SV2C: variants seen among roughly 807,000 people sequenced by gnomAD.
SV2C encodes the protein synaptic vesicle glycoprotein 2C, also known as solute carrier family 22 member B3.
SV2C carries 49 observed loss-of-function variants against 79.7 expected under a neutral mutation model. The observed-to-expected ratio is 0.61, with a 90% confidence interval of 0.49 to 0.78. SV2C has a LOEUF of 0.78. Ranked by LOEUF, SV2C falls within the 30% of genes least tolerant of loss-of-function variation. The pLI is 0.00. For missense variants in SV2C, 833 were observed against 912.9 expected, an observed-to-expected ratio of 0.91 and a Z score of 1.13; for synonymous variants, 334 against 333.2, an observed-to-expected ratio of 1.00 and a Z score of -0.03.
the SV2C span, among the ~76,000 whole-genome samples, chr5:76,072,429 A>G: frequency 6.6e-6 from 1 of 152,224 alleles, no homozygotes; most frequent in East Asian, 1.9e-4. Context: ...ATTTATAATG[A>G]AACTGGTAAG....
intron 1 of SV2C, among the ~76,000 whole-genome samples, chr5:76,125,990 G>C (rs983595867): frequency 3.9e-5 from 6 of 152,198 alleles, no homozygotes; most frequent in Admixed American, 3.9e-4. Flanking sequence ...TTGGGAAGCT[G>C]AGGCTGCAGT....
At chr5:75,994,974 T>A in the SV2C span, among the ~76,000 whole-genome samples, 1 of 151,964 alleles carries the variant, frequency 6.6e-6, no homozygotes, top group Non-Finnish European at 1.5e-5. Flanking sequence ...ACTAGTGGAG[T>A]AAGTCCCAGG....
the SV2C span, among the ~76,000 whole-genome samples, chr5:75,855,729 C>T: frequency 9.2e-5 from 14 of 152,098 alleles, no homozygotes; most frequent in Non-Finnish European, 1.6e-4. Context: ...TACAGGCATG[C>T]AATGCATAAT....
rs1232656766 is a variant in SV2C at position 76,326,380 on chromosome 5, G to GGAAA, written c.*839_*842dup. ...TGGTCTTGCCAGACAGCAGATTCAG[G>GGAAA]GAAAGAAAGCTGCTTCTTAAAAACT... On this transcript the variant is annotated 3_prime_UTR_variant, in exon 13 of 13. Transcript: ENST00000502798. The GGAAA allele has an allele frequency of 3.9e-5, 6 of 152,236 alleles. No homozygotes were observed. Among genetic ancestry groups the GGAAA allele is most frequent in the Admixed American group, 6.5e-5 (1 of 15,278 alleles). 9.4% of individuals were successfully genotyped at this position (152,236 alleles called of 1,614,324 possible). A position where few individuals can be genotyped will look rare whatever the true frequency, so the allele number is the denominator to read the frequency against.
chr5:75,951,258 T>A, the SV2C span, among the ~76,000 whole-genome samples: 2 of 152,032 alleles, frequency 1.3e-5, no homozygotes, highest in African/African-American at 2.4e-5. Context: ...TCTGGCCTTA[T>A]GCCTGATGTT....
At chr5:75,886,844 TAAAA>T in the SV2C span, among the ~76,000 whole-genome samples, 1 of 152,064 alleles carries the variant, frequency 6.6e-6, no homozygotes, top group African/African-American at 2.4e-5. Flanking sequence ...TAAGTGGCTT[TAAAA>T]AAATAAGATG....
At chr5:75,902,396 A>G in the SV2C span, among the ~76,000 whole-genome samples, 1 of 152,214 alleles carries the variant, frequency 6.6e-6, no homozygotes, top group African/African-American at 2.4e-5. Flanking sequence ...GTATGGGCCT[A>G]AGAAATGAGT....
At chr5:76,343,733 A>C (rs940555354) in intron 12 of SV2C, among the ~76,000 whole-genome samples, 9 of 152,224 alleles carry the variant, frequency 5.9e-5, no homozygotes, top group African/African-American at 4.8e-5. Flanking sequence ...AGACATGTAC[A>C]ACAAGGTTTG....
chr5:75,936,857 A>G, the SV2C span, among the ~76,000 whole-genome samples: 2 of 152,200 alleles, frequency 1.3e-5, no homozygotes, highest in Non-Finnish European at 2.9e-5. Flanking sequence ...CAGTGTGTCA[A>G]ATGTTCGTTA....
intron 2 of SV2C, among the ~76,000 whole-genome samples, chr5:76,146,911 A>G (rs1467890536): frequency 1.3e-5 from 2 of 152,062 alleles, no homozygotes; most frequent in Non-Finnish European, 1.5e-5. Flanking sequence ...TACAACATGC[A>G]TGAACCTGAA....
At chr5:76,229,074 C>T (rs1349406482) in intron 4 of SV2C, among the ~76,000 whole-genome samples, 1 of 152,236 alleles carries the variant, frequency 6.6e-6, no homozygotes, top group Non-Finnish European at 1.5e-5. Context: ...AAAACGTGTC[C>T]TCCAAATGGC....
the SV2C span, among the ~76,000 whole-genome samples, chr5:75,857,200 G>T: frequency 1.3e-5 from 2 of 151,856 alleles, no homozygotes; most frequent in African/African-American, 2.4e-5. Context: ...ATTGTGATCC[G>T]CCTGCCTCGG....
At chr5:76,200,585 G>T (rs1390288316) in intron 3 of SV2C, among the ~76,000 whole-genome samples, 2 of 152,154 alleles carry the variant, frequency 1.3e-5, no homozygotes, top group African/African-American at 2.4e-5. Flanking sequence ...ATCATTAGCA[G>T]CACTGTCTCT....
At chr5:75,881,764 C>G in the SV2C span, among the ~76,000 whole-genome samples, 3 of 151,432 alleles carry the variant, frequency 2.0e-5, no homozygotes, top group African/African-American at 4.9e-5. Flanking sequence ...TTGACTTCCT[C>G]TTTTCCTAAT....
chr5:76,165,229 C>T (rs754372327), intron 2 of SV2C, among the ~76,000 whole-genome samples: 2 of 152,066 alleles, frequency 1.3e-5, no homozygotes, highest in Admixed American at 1.3e-4. Context: ...CCAGCTTCCC[C>T]CAATGATAAT....
At chr5:76,238,358 C>T (rs948674225) in intron 4 of SV2C, among the ~76,000 whole-genome samples, 2 of 151,746 alleles carry the variant, frequency 1.3e-5, no homozygotes, top group African/African-American at 4.8e-5. Flanking sequence ...TCCAACCTTT[C>T]ATTGTTTCAT....
chr5:76,284,696 C>A (rs1419005620), intron 4 of SV2C, among the ~76,000 whole-genome samples: 1 of 152,154 alleles, frequency 6.6e-6, no homozygotes, highest in Non-Finnish European at 1.5e-5. Context: ...ATATCCCAAC[C>A]CTCCTTCACT....
At chr5:76,112,455 G>A (rs1424093912) in intron 1 of SV2C, among the ~76,000 whole-genome samples, 3 of 152,220 alleles carry the variant, frequency 2.0e-5, no homozygotes, top group East Asian at 1.9e-4. Context: ...TCTGGCTGGC[G>A]AGACCAGAGA....
At chr5:75,976,102 A>T in the SV2C span, among the ~76,000 whole-genome samples, 1 of 152,180 alleles carries the variant, frequency 6.6e-6, no homozygotes, top group East Asian at 1.9e-4. Flanking sequence ...AATGGCAGGT[A>T]TAGTTAATCG....
Sources: allele counts gnomAD v4.1 joint callset (sites outside exome capture counted in the v4.1 genomes callset), GRCh38; gene constraint gnomAD v4.1.1; transcripts MANE v1.5; gene names NCBI Gene and HGNC (gene_info 2026-07-23, HGNC 2026-07-21).